The following GRIN2B variants were observed in gnomAD, a reference collection of about 807,000 sequenced individuals.
GRIN2B encodes the protein glutamate receptor ionotropic, NMDA 2B.
In GRIN2B, 5 loss-of-function variants were observed where a neutral mutation model predicts 114.5. The observed-to-expected ratio is 0.04, with a 90% CI of 0.02 to 0.09. The LOEUF is 0.09. GRIN2B is among the 10% of genes least tolerant of loss of function. GRIN2B has a pLI of 1.00. For missense variants in GRIN2B, 1,108 were observed against 1,943.5 expected, an observed-to-expected ratio of 0.57 and a Z score of 8.08; for synonymous variants, 787 against 745.1, an observed-to-expected ratio of 1.06 and a Z score of -0.92.
chr12:13,788,366 T>C (rs1864256111), intron 3 of GRIN2B, among the ~76,000 whole-genome samples: 2 of 152,178 alleles, frequency 1.3e-5, no homozygotes, highest in Admixed American at 6.5e-5. Flanking sequence ...AACACATTTC[T>C]CTCATTTCTA....
At chr12:13,857,972 A>G (rs959270807) in intron 3 of GRIN2B, among the ~76,000 whole-genome samples, 5 of 152,040 alleles carry the variant, frequency 3.3e-5, no homozygotes, top group African/African-American at 9.7e-5. Context: ...CAGTACTGAC[A>G]TCACTGAGCC....
chr12:13,671,599 C>T (rs1281896683), intron 5 of GRIN2B, among the ~76,000 whole-genome samples: 2 of 152,158 alleles, frequency 1.3e-5, no homozygotes, highest in African/African-American at 2.4e-5. Context: ...TGACAATTCC[C>T]CCCAAGTCCT....
At chr12:13,695,657 A>G (rs1950253339) in intron 4 of GRIN2B, among the ~76,000 whole-genome samples, 2 of 152,196 alleles carry the variant, frequency 1.3e-5, no homozygotes, top group Non-Finnish European at 2.9e-5. Flanking sequence ...AACAGGGCCA[A>G]TTGTGAAGCT....
chr12:13,757,469 T>A (rs1220735032), intron 3 of GRIN2B, among the ~76,000 whole-genome samples: 1 of 152,240 alleles, frequency 6.6e-6, no homozygotes, highest in East Asian at 1.9e-4. Context: ...GCACCCAGCA[T>A]GCACTGTGAT....
intron 3 of GRIN2B, among the ~76,000 whole-genome samples, chr12:13,863,956 G>T (rs1865786302): frequency 6.6e-6 from 1 of 152,152 alleles, no homozygotes; most frequent in South Asian, 2.1e-4. Context: ...CCCTCAAATT[G>T]CCACTGTTAA....
At chr12:13,588,397 C>T (rs1948961068) in intron 10 of GRIN2B, among the ~76,000 whole-genome samples, 1 of 152,130 alleles carries the variant, frequency 6.6e-6, no homozygotes, top group Non-Finnish European at 1.5e-5. Flanking sequence ...GTCTTGTTTT[C>T]TTTAATAACT....
At chr12:13,586,322 T>C (rs577212117) in intron 10 of GRIN2B, among the ~76,000 whole-genome samples, 10 of 152,352 alleles carry the variant, frequency 6.6e-5, no homozygotes, top group African/African-American at 2.2e-4. Context: ...AATTTCTTTA[T>C]ATAAGCTTTC....
chr12:13,816,537 A>G (rs1214712232), intron 3 of GRIN2B, among the ~76,000 whole-genome samples: 1 of 152,136 alleles, frequency 6.6e-6, no homozygotes, highest in East Asian at 1.9e-4. Context: ...ATGCTATAAG[A>G]AGCATGGAAA....
intron 3 of GRIN2B, among the ~76,000 whole-genome samples, chr12:13,778,035 G>A (rs113602604): frequency 1.6e-4 from 25 of 152,202 alleles, no homozygotes; most frequent in South Asian, 2.1e-4. Flanking sequence ...CATCCATTCT[G>A]TGAGCTTAAT....
chr12:13,751,083 G>A (rs77947102), intron 4 of GRIN2B, among the ~76,000 whole-genome samples: 4,689 of 152,274 alleles, frequency 0.031, 105 homozygotes, highest in Non-Finnish European at 0.051. Context: ...GGGCACGCTG[G>A]AGAGTAAGTT....
chr12:13,950,327 T>C (rs938597796), intron 2 of GRIN2B, among the ~76,000 whole-genome samples: 3 of 152,172 alleles, frequency 2.0e-5, no homozygotes, highest in South Asian at 4.1e-4. Flanking sequence ...GACTGTAGCA[T>C]TGGGGTTGTA....
chr12:13,908,726 T>C (rs1446507605), intron 2 of GRIN2B, among the ~76,000 whole-genome samples: 1 of 152,204 alleles, frequency 6.6e-6, no homozygotes, highest in African/African-American at 2.4e-5. Flanking sequence ...CCTGAACCTC[T>C]CTACTCAAGT....
At chr12:13,719,734 G>T (rs1950490669) in intron 4 of GRIN2B, among the ~76,000 whole-genome samples, 1 of 152,016 alleles carries the variant, frequency 6.6e-6, no homozygotes, top group Non-Finnish European at 1.5e-5. Context: ...ATGCTAACTT[G>T]TCCCTTTGGA....
At chr12:13,694,993 A>T (rs1327189035) in intron 4 of GRIN2B, among the ~76,000 whole-genome samples, 2 of 151,936 alleles carry the variant, frequency 1.3e-5, no homozygotes, top group Non-Finnish European at 2.9e-5. Context: ...GAAGTGACAG[A>T]CTCTGAAGAA....
At chr12:13,695,955 T>C (rs1045343730) in intron 4 of GRIN2B, among the ~76,000 whole-genome samples, 3 of 152,132 alleles carry the variant, frequency 2.0e-5, no homozygotes, top group African/African-American at 7.2e-5. Flanking sequence ...AATGCATCAA[T>C]TGCTCCCTGT....
At chr12:13,785,709 C>T (rs1864212900) in intron 3 of GRIN2B, among the ~76,000 whole-genome samples, 1 of 152,220 alleles carries the variant, frequency 6.6e-6, no homozygotes, top group Admixed American at 6.5e-5. Flanking sequence ...CTGCTAAGCA[C>T]TCTATGTGCA....
rs1319953597 is a variant in GRIN2B, at chr12:13,541,866, A to G, written c.*20917T>C. ...GTGGCACAGGAAATAGAATTAGTGC[A>G]TCCTCTGTGTCAGAAACAACGTGCA... On this transcript the variant is annotated 3_prime_UTR_variant, in exon 14 of 14. Coordinates refer to ENST00000609686, the MANE Select transcript of GRIN2B (RefSeq NM_000834.5). 1 of 152,236 alleles carries G rather than the reference A, an allele frequency of 6.6e-6. No homozygotes were observed. Among genetic ancestry groups the G allele is most frequent in the African/African-American group, 2.4e-5 (1 of 41,450 alleles). 9.4% of individuals were successfully genotyped at this position (152,236 alleles called of 1,614,324 possible).
chr12:13,909,881 G>C, intron 2 of GRIN2B, among the ~76,000 whole-genome samples: 1 of 150,930 alleles, frequency 6.6e-6, no homozygotes, highest in South Asian at 2.1e-4. Flanking sequence ...CATTGTAAAA[G>C]TTCTTGTTTC....
In GRIN2B at chr12:13,538,827, CAAAAAAA is replaced by C. The variant is rs538916973; in HGVS notation, c.*23949_*23955del. 1 of 142,910 alleles carries C rather than the reference CAAAAAAA, an allele frequency of 7.0e-6. No homozygotes were observed. Among genetic ancestry groups the C allele is most frequent in the African/African-American group, 2.6e-5 (1 of 38,182 alleles). The allele number at this position is 142,910 out of a possible 1,614,324, so 8.9% of individuals were successfully genotyped here. On this transcript the variant is annotated 3_prime_UTR_variant, in exon 14 of 14. Transcript: ENST00000609686. ...AAGACCCTCTTAAAAAACAAACAAACAAAAAAAAAACAAACAAAAAAACAAAAACAAC... is the reference window on the plus strand; with the variant it reads ...AAGACCCTCTTAAAAAACAAACAAACAAACAAACAAAAAAACAAAAACAAC...
Sources: allele counts gnomAD v4.1 joint callset (sites outside exome capture counted in the v4.1 genomes callset), GRCh38; gene constraint gnomAD v4.1.1; transcripts MANE v1.5; gene names NCBI Gene and HGNC (gene_info 2026-07-23, HGNC 2026-07-21).